TENT5D: variants seen among roughly 807,000 people sequenced by gnomAD.
TENT5D encodes the protein terminal nucleotidyltransferase 5D.
For synonymous variants in TENT5D, 103 were observed against 100.6 expected, an observed-to-expected ratio of 1.02 and a Z score of -0.15; for missense variants, 191 against 287.0, an observed-to-expected ratio of 0.67 and a Z score of 2.42.
upstream of TENT5D, among the ~76,000 whole-genome samples, chrX:80,417,740 A>C (rs750455384): frequency 9.1e-6 from 1 of 110,188 alleles, no homozygotes; most frequent in African/African-American, 3.3e-5. Context: ...TTCCTTTAAC[A>C]TTTTTTCTTT....
intron 1 of TENT5D, among the ~76,000 whole-genome samples, chrX:80,437,648 T>C (rs1932207033): frequency 9.0e-6 from 1 of 111,496 alleles, no homozygotes; most frequent in African/African-American, 3.3e-5. Context: ...TGATTATGAG[T>C]AAATCATTGT....
chrX:80,389,035 T>C (rs1320633445), intron 3 of TENT5D, among the ~76,000 whole-genome samples: 1 of 111,615 alleles, frequency 9.0e-6, no homozygotes, highest in African/African-American at 3.3e-5. Flanking sequence ...TGAGTTCCAA[T>C]GTGCAGTTCC....
chrX:80,433,171 A>T (rs1932119663), intron 1 of TENT5D, among the ~76,000 whole-genome samples: 1 of 112,413 alleles, frequency 8.9e-6, no homozygotes. Flanking sequence ...CCTGCTGGTT[A>T]TACAAAGGAC....
At chrX:80,393,858 A>G (rs1043769192) in intron 3 of TENT5D, among the ~76,000 whole-genome samples, 2 of 111,769 alleles carry the variant, frequency 1.8e-5, no homozygotes, top group African/African-American at 3.3e-5. Flanking sequence ...ATATTCTGCA[A>G]TTCTATCCAT....
intron 3 of TENT5D, among the ~76,000 whole-genome samples, chrX:80,389,425 C>T (rs1490887848): frequency 8.9e-6 from 1 of 112,038 alleles, no homozygotes; most frequent in Non-Finnish European, 1.9e-5. Flanking sequence ...GAGGGTTTCA[C>T]CCTAGAGCTT....
At chrX:80,362,634 T>C (rs58061607) in intron 3 of TENT5D, among the ~76,000 whole-genome samples, 12,869 of 110,986 alleles carry the variant, frequency 0.12, 865 homozygotes, top group African/African-American at 0.25. Context: ...TTTTTCCCGC[T>C]TAATTAGTTC....
chrX:80,383,821 A>C (rs960778382), intron 3 of TENT5D, among the ~76,000 whole-genome samples: 1 of 110,936 alleles, frequency 9.0e-6, no homozygotes, highest in Non-Finnish European at 1.9e-5. Flanking sequence ...GTGCCACGGC[A>C]CTCTAGCCTG....
chrX:80,360,259 A>G (rs1930379230), intron 3 of TENT5D, among the ~76,000 whole-genome samples: 1 of 112,344 alleles, frequency 8.9e-6, no homozygotes, highest in African/African-American at 3.2e-5. Flanking sequence ...CAGGTTATCG[A>G]TATTGAAAGC....
chrX:80,421,942 G>A (rs773081638), intron 1 of TENT5D, among the ~76,000 whole-genome samples: 8 of 110,381 alleles, frequency 7.2e-5, no homozygotes, highest in Admixed American at 9.7e-5. Context: ...TTTGTGTGTC[G>A]GGGGGTGGGA....
At chrX:80,425,271 G>A (rs55669243) in intron 1 of TENT5D, among the ~76,000 whole-genome samples, 3,368 of 112,491 alleles carry the variant, frequency 0.03, 59 homozygotes, top group Non-Finnish European at 0.05. Flanking sequence ...TTTGCTTTCA[G>A]GAGTATACCT....
At chrX:80,352,641 C>A (rs1278725874) in intron 3 of TENT5D, among the ~76,000 whole-genome samples, 1 of 103,546 alleles carries the variant, frequency 9.7e-6, no homozygotes, top group Non-Finnish European at 1.9e-5. Context: ...GGCTCCCTGG[C>A]TTCAGCCCCC....
rs1299440347 is a variant in TENT5D, at chrX:80,377,004, T to A, written c.-142+34440T>A. ...CTATTATAGGGGCTGCTGGGGTCAC[T>A]TTGATTATTTCCCCAATTTTTATTT... On this transcript the variant is annotated intron_variant, in intron 3 of 4. Coordinates refer to the TENT5D transcript ENST00000538312. Among the ~76,000 whole-genome samples, 3 of 110,987 alleles carry A rather than the reference T, an allele frequency of 2.7e-5. No homozygotes were observed. In the East Asian group the frequency reaches 8.5e-4, roughly 32 times the overall value.
chrX:80,407,076 G>T (rs1931515274), intron 3 of TENT5D, among the ~76,000 whole-genome samples: 1 of 108,943 alleles, frequency 9.2e-6, no homozygotes, highest in Non-Finnish European at 1.9e-5. Context: ...CAGCAGGCCT[G>T]CCCTAAAAGA....
intron 3 of TENT5D, among the ~76,000 whole-genome samples, chrX:80,405,015 G>A (rs1221763056): frequency 9.0e-6 from 1 of 111,578 alleles, no homozygotes; most frequent in Non-Finnish European, 1.9e-5. Flanking sequence ...ACTTCCTTTA[G>A]ACCTTTAAGA....
intron 3 of TENT5D, among the ~76,000 whole-genome samples, chrX:80,381,889 C>A (rs1306835270): frequency 8.9e-6 from 1 of 112,038 alleles, no homozygotes; most frequent in Non-Finnish European, 1.9e-5. Flanking sequence ...AGCTTCCTTG[C>A]AATGAGTTCG....
rs144865380 is a variant in TENT5D at position 80,345,289 on chromosome X, C to T, written c.-142+2725C>T. Among the ~76,000 whole-genome samples, 540 of 111,492 alleles carry T rather than the reference C, an allele frequency of 4.8e-3. 3 individuals are homozygous for T. The highest frequency in any genetic ancestry group is 0.015 in the African/African-American group (470 of 30,719). Reference sequence around the variant, plus strand: ...AGATTCCAGAGATTCCTTCCAGTTTCGCTTGAGAGTCCCTTTGTAAAATGC... The same window carrying T: ...AGATTCCAGAGATTCCTTCCAGTTTTGCTTGAGAGTCCCTTTGTAAAATGC... On this transcript the variant is annotated intron_variant, in intron 3 of 4. Coordinates refer to the TENT5D transcript ENST00000538312.
intron 3 of TENT5D, among the ~76,000 whole-genome samples, chrX:80,385,574 G>T (rs1239153266): frequency 2.7e-5 from 3 of 111,984 alleles, no homozygotes; most frequent in African/African-American, 9.7e-5. Flanking sequence ...TGACAAATGG[G>T]ATCTAATTAA....
At chrX:80,441,302 T>C (rs769347454) in intron 2 of TENT5D, among the ~76,000 whole-genome samples, 19 of 111,647 alleles carry the variant, frequency 1.7e-4, no homozygotes, top group African/African-American at 5.8e-4. Flanking sequence ...AACACAGATA[T>C]GCTGTTGCTT....
intron 3 of TENT5D, among the ~76,000 whole-genome samples, chrX:80,392,740 T>G (rs1258714430): frequency 1.9e-5 from 2 of 105,696 alleles, no homozygotes; most frequent in Non-Finnish European, 3.9e-5. Flanking sequence ...ATGGTCTCGA[T>G]CTCCTGACCT....
Sources: gnomAD v4.1 joint callset for allele counts (sites outside exome capture counted in the v4.1 genomes callset) on GRCh38, gnomAD v4.1.1 for gene constraint, MANE v1.5 for transcripts, NCBI Gene and HGNC (gene_info 2026-07-23, HGNC 2026-07-21) for gene names.